ABCB9: variants seen among roughly 807,000 people sequenced by gnomAD.
ABCB9 encodes the protein ABC-type oligopeptide transporter ABCB9.
ABCB9 carries 36 observed loss-of-function variants against 62.0 expected under a neutral mutation model. That is an observed-to-expected ratio of 0.58 (90% CI 0.45 to 0.77). The LOEUF (loss-of-function observed/expected upper bound fraction) is 0.77, where lower values mean the gene tolerates loss of function less well. Ranked by LOEUF, ABCB9 falls within the 30% of genes least tolerant of loss-of-function variation. ABCB9 has a pLI of 0.00. For synonymous variants in ABCB9, 435 were observed against 461.4 expected (o/e 0.94, Z 0.73); for missense variants, 943 against 1,054.7 (o/e 0.89, Z 1.47).
chr12:122,948,328 T>C, intron 5 of ABCB9: 1 of 252,506 alleles, frequency 4.0e-6, no homozygotes, highest in Non-Finnish European at 7.6e-6. Flanking sequence ...CATCTTTTAC[T>C]GTATTGTGGA....
rs1442066616 is a variant in ABCB9, at chr12:122,946,196, G to A, written c.1080C>T (p.Ala360=). 1 of 1,614,128 alleles carries A rather than the reference G, an allele frequency of 6.2e-7. No individual in the cohort carries two copies. The highest frequency in any genetic ancestry group is 1.7e-5 in the Admixed American group (1 of 60,006). The change falls in exon 6 of 12, where the codon GCC becomes GCT. Residue 360 remains alanine (A), a synonymous_variant. Coordinates refer to ENST00000280560, the MANE Select transcript of ABCB9 (RefSeq NM_019625.4). ...CCGCCGTGTTGCTCGCTCTGGCCAG[G>A]GCATTCTGGACCTCTTTGGAGAGCC... ...YKRLSKEVQN[A]LARASNTAEE...
In ABCB9 at chr12:122,940,358, C is replaced by T. The variant is rs925726995; in HGVS notation, c.1570-74G>A. 2.7e-6 allele frequency: 4 copies of T among 1,494,844 alleles called. No homozygotes were observed. Among genetic ancestry groups the T allele is most frequent in the Admixed American group, 2.3e-5 (1 of 43,242 alleles). The allele number at this position is 1,494,844 out of a possible 1,614,324, so 92.6% of individuals were successfully genotyped here. ...GGACTGGATGCCCTGACCTTGGACA[C>T]AGGTGGGTGCCCTTCCCAGCCCACC... On this transcript the variant is annotated intron_variant, in intron 8 of 11. Transcript: ENST00000280560. This position sits in a 1 kb window ranked among gnomAD's most constrained non-coding sequence, Gnocchi z 4.8.
At position 122,940,135 on chromosome 12, in the gene ABCB9, G is replaced by T. The variant is rs369328306; in HGVS notation, c.1719C>A (p.Tyr573Ter). The T allele has an allele frequency of 6.2e-7, 1 of 1,612,390 alleles. No homozygotes were observed. Among genetic ancestry groups the T allele is most frequent in the Non-Finnish European group, 8.5e-7 (1 of 1,179,384 alleles). ...CCACACGGTGCAAGTACTTGTGGTCGTAGGCGCTGATGGGCTTGCCGTCCA... is the reference window on the plus strand; with the variant it reads ...CCACACGGTGCAAGTACTTGTGGTCTTAGGCGCTGATGGGCTTGCCGTCCA... ...VLLDGKPISA[Y>*]DHKYLHRVIS... The change falls in exon 9 of 12, where the codon TAC becomes TAA. Residue 573 changes from tyrosine to a stop codon, truncating the protein, a stop_gained. Transcript: ENST00000280560. LOFTEE classifies it high-confidence loss of function. The surrounding 1 kb of genome is among the most constrained non-coding windows in gnomAD (Gnocchi z 4.8).
In ABCB9 at chr12:122,923,163, C is replaced by T. The variant is rs146247853; in HGVS notation, c.2041-2120G>A. Among the ~76,000 whole-genome samples the T allele has an allele frequency of 7.1e-4, 108 of 152,238 alleles. 1 individual carries two copies. The South Asian group carries it at 1.0e-2, about 14-fold the overall frequency. ...TGTCGCCCAGGCTGGAGTGCAGTGGCGCCATCATGGCTCACTGCTGCCTCA... is the reference window on the plus strand; with the variant it reads ...TGTCGCCCAGGCTGGAGTGCAGTGGTGCCATCATGGCTCACTGCTGCCTCA... On this transcript the variant is annotated intron_variant, in intron 11 of 11. Transcript: ENST00000344275.
At position 122,940,927 on chromosome 12, in the gene ABCB9, G is replaced by A. The variant is rs2035728542; in HGVS notation, c.1449C>T (p.Ile483=). The change falls in exon 8 of 12, where the codon ATC becomes ATT. Residue 483 remains isoleucine, a synonymous_variant. Coordinates refer to ENST00000280560, the MANE Select transcript of ABCB9 (RefSeq NM_019625.4). This position sits in a 1 kb window ranked among gnomAD's most constrained non-coding sequence, Gnocchi z 4.8. Reference sequence around the variant, plus strand: ...CGTGCACCATGGTCGGCTGCCGGTCGATGAACTCGAACACCTTCTCAGCAG... The same window carrying A: ...CGTGCACCATGGTCGGCTGCCGGTCAATGAACTCGAACACCTTCTCAGCAG... The part of the protein sequence containing the change: ...VGAAEKVFEF[I]DRQPTMVHDG... The A allele has an allele frequency of 3.7e-6, 6 of 1,612,492 alleles. No individual in the cohort carries two copies. Among genetic ancestry groups the A allele is most frequent in the South Asian group, 2.2e-5 (2 of 90,740 alleles).
At chr12:122,962,751 G>A (rs1338131517) in intron 1 of ABCB9, among the ~76,000 whole-genome samples, 4 of 152,298 alleles carry the variant, frequency 2.6e-5, no homozygotes, top group Middle Eastern at 6.8e-3. Flanking sequence ...CACTTCCTGT[G>A]AGCCCTGCCC....
At chr12:122,937,658 A>G (rs1268129893) in intron 9 of ABCB9, among the ~76,000 whole-genome samples, 1 of 152,150 alleles carries the variant, frequency 6.6e-6, no homozygotes, top group African/African-American at 2.4e-5. Context: ...ACTTGGCACC[A>G]TTTCACAACA....
chr12:122,968,905 G>A (rs556719778), upstream of ABCB9, among the ~76,000 whole-genome samples: 20 of 152,172 alleles, frequency 1.3e-4, no homozygotes, highest in Admixed American at 6.5e-4. Flanking sequence ...ATCAGCCACC[G>A]CACCCGGCCT....
intron 1 of ABCB9, among the ~76,000 whole-genome samples, chr12:122,972,222 C>T (rs1270730625): frequency 6.6e-6 from 1 of 151,366 alleles, no homozygotes; most frequent in Non-Finnish European, 1.5e-5. Context: ...TTTTTTGTAG[C>T]CAGGATGGTC....
Position 122,935,277 on chromosome 12 carries a change from C to T in ABCB9, c.1898G>A (p.Ser633Asn), listed in dbSNP as rs1305529875. The change falls in exon 10 of 12, where the codon AGC (serine) becomes AAC (asparagine). Residue 633 changes from serine to asparagine, a missense_variant. Transcript: ENST00000280560. ...GFIMELQDGY[S>N]TETGEKGAQL... ...GGCCACCCCCAGCTCCACACCTGTGCTGTAGCCGTCCTGGAGTTCCATGAT... is the reference window on the plus strand; with the variant it reads ...GGCCACCCCCAGCTCCACACCTGTGTTGTAGCCGTCCTGGAGTTCCATGAT... 6.2e-7 allele frequency: 1 copy of T among 1,607,162 alleles called. No homozygotes were observed. The highest frequency in any genetic ancestry group is 8.5e-7 in the Non-Finnish European group (1 of 1,176,430).
chr12:122,955,538 G>A (rs1359082899), intron 2 of ABCB9, among the ~76,000 whole-genome samples: 1 of 152,206 alleles, frequency 6.6e-6, no homozygotes, highest in Non-Finnish European at 1.5e-5. Flanking sequence ...CAGGACCTGG[G>A]AGGGGAGGCA....
chr12:122,921,444 T>C (rs2034744589), intron 11 of ABCB9, among the ~76,000 whole-genome samples: 1 of 151,776 alleles, frequency 6.6e-6, no homozygotes, highest in African/African-American at 2.4e-5. Context: ...ATAAATGCAA[T>C]GGTTAATGTT....
At chr12:122,926,766 G>A (rs987546106), downstream of ABCB9, among the ~76,000 whole-genome samples, 3 of 151,922 alleles carry the variant, frequency 2.0e-5, no homozygotes, top group African/African-American at 7.3e-5. Context: ...TGGGCATGGC[G>A]ATGTGCACCT....
rs181327314 is a variant in ABCB9 at position 122,959,467 on chromosome 12, T to G, written c.601+168A>C. On this transcript the variant is annotated intron_variant, in intron 2 of 11. Transcript: ENST00000280560. The surrounding 1 kb of genome is among the most constrained non-coding windows in gnomAD (Gnocchi z 5.4). ...CTCAAGTGATCTTCCTACCTCAGCC[T>G]CCCAAAGTGCTGGGATTATAGATAT... Among the ~76,000 whole-genome samples the G allele has an allele frequency of 7.2e-4, 109 of 152,322 alleles. No individual in the cohort carries two copies. The highest frequency in any genetic ancestry group is 1.3e-3 in the Non-Finnish European group (89 of 68,036).
At chr12:122,955,679 G>A (rs1434773004) in intron 2 of ABCB9, among the ~76,000 whole-genome samples, 1 of 152,098 alleles carries the variant, frequency 6.6e-6, no homozygotes, top group Non-Finnish European at 1.5e-5. Flanking sequence ...ACTGTGCCCA[G>A]CATAAATGCA....
In ABCB9 at chr12:122,960,760, C is replaced by CAA. The variant is rs36119389; in HGVS notation, c.-87-440_-87-439dup. Among the ~76,000 whole-genome samples the CAA allele has an allele frequency of 2.3e-4, 21 of 92,514 alleles. No individual in the cohort carries two copies. The East Asian group carries it at 2.9e-3, about 13-fold the overall frequency. 60.7% of individuals were successfully genotyped at this position (92,514 alleles called of 152,430 possible). ...TGGGTGACAGAGCGAGACTCCATCT[C>CAA]AAAAAAAAAAAAAAAAGATAATAAG... On this transcript the variant is annotated intron_variant, in intron 1 of 11. Coordinates refer to ENST00000280560, the MANE Select transcript of ABCB9 (RefSeq NM_019625.4).
chr12:122,928,030 A>G (rs1048608077), downstream of ABCB9, among the ~76,000 whole-genome samples: 7 of 152,268 alleles, frequency 4.6e-5, no homozygotes, highest in East Asian at 1.4e-3. Context: ...GGTGGCCCCC[A>G]AAAGCTTCCC....
rs2135907504 is a variant in ABCB9, at chr12:122,959,388, T to A, written c.601+247A>T. ...TAAATACAATAAATAAATAAATAAATAAAATAGAAATGGGTTCTCGCTATG... is the reference window on the plus strand; with the variant it reads ...TAAATACAATAAATAAATAAATAAAAAAAATAGAAATGGGTTCTCGCTATG... On this transcript the variant is annotated intron_variant, in intron 2 of 11. Transcript: ENST00000280560. This position sits in a 1 kb window ranked among gnomAD's most constrained non-coding sequence, Gnocchi z 5.4. Among the ~76,000 whole-genome samples the A allele has an allele frequency of 6.6e-6, 1 of 151,880 alleles. No individual in the cohort carries two copies. Among genetic ancestry groups the A allele is most frequent in the Non-Finnish European group, 1.5e-5 (1 of 67,936 alleles).
downstream of ABCB9, among the ~76,000 whole-genome samples, chr12:122,927,494 T>C (rs2034939271): frequency 6.6e-6 from 1 of 152,218 alleles, no homozygotes; most frequent in Non-Finnish European, 1.5e-5. Flanking sequence ...TTAAAACTCC[T>C]ATGTACCTCC....
Sources: gnomAD v4.1 joint callset for allele counts (sites outside exome capture counted in the v4.1 genomes callset) on GRCh38, gnomAD v4.1.1 for gene constraint, Gnocchi (gnomAD v3.1) non-coding constraint, MANE v1.5 for transcripts, NCBI Gene and HGNC (gene_info 2026-07-23, HGNC 2026-07-21) for gene names.